The following GLYATL2 variants were observed in gnomAD, a reference collection of about 807,000 sequenced individuals.
GLYATL2 encodes glycine-N-acyltransferase like 2.
A neutral mutation model predicts 21.4 loss-of-function variants in GLYATL2; 25 were observed. The ratio of observed to expected loss-of-function variants is 1.17; its 90% confidence interval spans 0.85 to 1.63. GLYATL2 has a LOEUF of 1.63. Ranked by LOEUF, GLYATL2 falls within the 40% of genes most tolerant of loss-of-function variation. The pLI is 0.00. For missense variants in GLYATL2, 361 were observed against 343.3 expected, an observed-to-expected ratio of 1.05 and a Z score of -0.41; for synonymous variants, 114 against 118.2, an observed-to-expected ratio of 0.96 and a Z score of 0.23.
At chr11:58,857,609 C>T (rs1424602168) in intron 1 of GLYATL2, among the ~76,000 whole-genome samples, 2 of 152,188 alleles carry the variant, frequency 1.3e-5, no homozygotes, top group Non-Finnish European at 2.9e-5. Context: ...TGAACCACTA[C>T]CCCAGGTTGT....
At chr11:58,842,616 G>C (rs1853574485) in intron 1 of GLYATL2, among the ~76,000 whole-genome samples, 1 of 151,390 alleles carries the variant, frequency 6.6e-6, no homozygotes, top group Non-Finnish European at 1.5e-5. Flanking sequence ...CCCTGAACTG[G>C]AAAAAGCCAG....
At chr11:58,885,296 G>T (rs1854416265) in intron 1 of GLYATL2, 1 of 251,884 alleles carries the variant, frequency 4.0e-6, no homozygotes, top group Non-Finnish European at 8.0e-6. Flanking sequence ...GTATGGTCCT[G>T]GAGATGCTGC....
At chr11:58,866,937 C>T (rs1444489832) in intron 1 of GLYATL2, among the ~76,000 whole-genome samples, 2 of 149,304 alleles carry the variant, frequency 1.3e-5, no homozygotes, top group Non-Finnish European at 3.0e-5. Context: ...TATCAGATGT[C>T]TTCCTAAGAT....
intron 1 of GLYATL2, among the ~76,000 whole-genome samples, chr11:58,889,516 T>A (rs2134620177): frequency 6.6e-6 from 1 of 152,232 alleles, no homozygotes; most frequent in South Asian, 2.1e-4. Context: ...TTACATTTGA[T>A]TCTGTCTTTA....
intron 1 of GLYATL2, among the ~76,000 whole-genome samples, chr11:58,843,294 G>A (rs1353741304): frequency 6.6e-6 from 1 of 152,150 alleles, no homozygotes; most frequent in Non-Finnish European, 1.5e-5. Context: ...CCAAGAAAGT[G>A]TCGAGAAAAA....
Position 58,861,179 on chromosome 11 carries a change from T to A in GLYATL2, n.61-22811A>T, listed in dbSNP as rs78125700. On this transcript the variant is annotated intron_variant and non_coding_transcript_variant, in intron 1 of 4. Coordinates refer to the GLYATL2 transcript ENST00000533636. Reference sequence around the variant, plus strand: ...TTAGAAAGATTGACATTAGTTCTTCTTTAAATGTTTGGTGGAATTCAGCAG... The same window carrying A: ...TTAGAAAGATTGACATTAGTTCTTCATTAAATGTTTGGTGGAATTCAGCAG... 5.3e-3 allele frequency among the ~76,000 whole-genome samples: 812 copies of A among 152,194 alleles called. 9 individuals carry two copies. Among genetic ancestry groups the A allele is most frequent in the African/African-American group, 0.019 (782 of 41,574 alleles).
In GLYATL2 at chr11:58,868,989, G is replaced by A. The variant is rs139132493; in HGVS notation, n.61-30621C>T. Among the ~76,000 whole-genome samples, 79 of 131,806 alleles carry A rather than the reference G, an allele frequency of 6.0e-4. 1 individual carries two copies. Among genetic ancestry groups the A allele is most frequent in the African/African-American group, 2.0e-3 (78 of 39,880 alleles). 86.5% of individuals were successfully genotyped at this position (131,806 alleles called of 152,430 possible). On this transcript the variant is annotated intron_variant and non_coding_transcript_variant, in intron 1 of 4. Coordinates refer to the GLYATL2 transcript ENST00000533636. ...CTCTTGGGGAGTTGTTCGTCATTTT[G>A]TGTGTGTCCAGGCAAGTGAGTGTCT...
intron 1 of GLYATL2, among the ~76,000 whole-genome samples, chr11:58,850,363 C>T (rs1445313540): frequency 2.0e-5 from 3 of 151,942 alleles, no homozygotes; most frequent in African/African-American, 7.3e-5. Context: ...ACCGAGGGCA[C>T]GAGCTGTTCC....
intron 1 of GLYATL2, among the ~76,000 whole-genome samples, chr11:58,857,496 G>A (rs1226358320): frequency 6.6e-6 from 1 of 151,902 alleles, no homozygotes; most frequent in African/African-American, 2.4e-5. Context: ...CCCCTGGGGC[G>A]GGGCGAGTGG....
chr11:58,854,339 T>C (rs1853791416), intron 1 of GLYATL2, among the ~76,000 whole-genome samples: 1 of 152,182 alleles, frequency 6.6e-6, no homozygotes, highest in Admixed American at 6.5e-5. Context: ...ACCACTGCAA[T>C]AAAGTGGGTA....
chr11:58,900,153 C>T (rs985273347), intron 1 of GLYATL2, among the ~76,000 whole-genome samples: 4 of 152,132 alleles, frequency 2.6e-5, no homozygotes, highest in Admixed American at 6.5e-5. Context: ...TAGATGACCC[C>T]TAAGAAATGA....
At chr11:58,839,946 A>C (rs1853514632) in intron 1 of GLYATL2, among the ~76,000 whole-genome samples, 1 of 152,202 alleles carries the variant, frequency 6.6e-6, no homozygotes, top group Non-Finnish European at 1.5e-5. Flanking sequence ...GAATATGGAG[A>C]GTGAATGCCT....
intron 1 of GLYATL2, chr11:58,878,396 G>T (rs998106928): frequency 1.7e-6 from 1 of 598,452 alleles, no homozygotes; most frequent in Non-Finnish European, 2.4e-6. Context: ...GCTCCCTCTC[G>T]CATTTTGGAT....
intron 1 of GLYATL2, among the ~76,000 whole-genome samples, chr11:58,872,766 G>A (rs1170072889): frequency 3.3e-4 from 50 of 152,262 alleles, no homozygotes; most frequent in Admixed American, 2.8e-3. Context: ...TTGGAGATGC[G>A]GGCTCTTTTT....
upstream of GLYATL2, among the ~76,000 whole-genome samples, chr11:58,848,247 A>T (rs1242770821): frequency 1.3e-5 from 2 of 152,154 alleles, no homozygotes; most frequent in African/African-American, 4.8e-5. Context: ...ATAAGCCCAG[A>T]CAGTGAAGAC....
intron 1 of GLYATL2, among the ~76,000 whole-genome samples, chr11:58,897,531 C>T (rs1004535577): frequency 1.3e-5 from 2 of 152,042 alleles, no homozygotes; most frequent in Admixed American, 1.3e-4. Context: ...CAAAGGCTTC[C>T]CACCTGCCCC....
intron 1 of GLYATL2, among the ~76,000 whole-genome samples, chr11:58,873,622 C>T (rs1260523312): frequency 6.6e-6 from 1 of 152,158 alleles, no homozygotes; most frequent in East Asian, 1.9e-4. Context: ...AGCCTTGCAT[C>T]CCAGGGATGA....
intron 1 of GLYATL2, among the ~76,000 whole-genome samples, chr11:58,873,430 G>A (rs1030550914): frequency 8.5e-5 from 13 of 152,082 alleles, no homozygotes; most frequent in Non-Finnish European, 1.8e-4. Flanking sequence ...GCTTGTCATA[G>A]ATAGCTCTTA....
At chr11:58,893,094 G>A in intron 1 of GLYATL2, 1 of 401,638 alleles carries the variant, frequency 2.5e-6, no homozygotes. Flanking sequence ...ATTCTGGGCT[G>A]GTAAATGACA....
Sources: gnomAD v4.1 joint callset for allele counts (sites outside exome capture counted in the v4.1 genomes callset) on GRCh38, gnomAD v4.1.1 for gene constraint, MANE v1.5 for transcripts, NCBI Gene and HGNC (gene_info 2026-07-23, HGNC 2026-07-21) for gene names.